Variants in STXBP5L observed in about 807,000 individuals in gnomAD.
The protein encoded by STXBP5L is syntaxin binding protein 5L, also known as syntaxin-binding protein 5-like.
STXBP5L carries 65 observed loss-of-function variants against 144.5 expected under a neutral mutation model. That is an observed-to-expected ratio of 0.45 (90% CI 0.37 to 0.55). The LOEUF is 0.55. Ranked by LOEUF, STXBP5L falls within the 20% of genes least tolerant of loss-of-function variation. STXBP5L has a pLI of 0.00. For synonymous variants in STXBP5L, 505 were observed against 469.6 expected, an observed-to-expected ratio of 1.08 and a Z score of -0.97; for missense variants, 1,298 against 1,405.5, an observed-to-expected ratio of 0.92 and a Z score of 1.22.
At chr3:121,198,535 G>A (rs1366811645) in intron 9 of STXBP5L, among the ~76,000 whole-genome samples, 1 of 152,134 alleles carries the variant, frequency 6.6e-6, no homozygotes, top group Non-Finnish European at 1.5e-5. Flanking sequence ...TGCTTTTGAT[G>A]TTTTAGTCAT....
chr3:121,368,046 ATTTAT>A (rs2045919239), intron 20 of STXBP5L, among the ~76,000 whole-genome samples: 2 of 151,688 alleles, frequency 1.3e-5, no homozygotes, highest in African/African-American at 4.8e-5. Context: ...TTCAGTCATT[ATTTAT>A]TCAAATATTT....
At chr3:121,155,101 A>G (rs538312198) in intron 8 of STXBP5L, among the ~76,000 whole-genome samples, 1 of 151,880 alleles carries the variant, frequency 6.6e-6, no homozygotes, top group Non-Finnish European at 1.5e-5. Context: ...ATCATTTTAA[A>G]ACAGATTATG....
At chr3:121,306,800 A>G (rs1223872886) in intron 19 of STXBP5L, among the ~76,000 whole-genome samples, 1 of 152,194 alleles carries the variant, frequency 6.6e-6, no homozygotes, top group Non-Finnish European at 1.5e-5. Context: ...AGCCTGAAAA[A>G]TGACCCCTTA....
chr3:121,405,312 T>C lies in STXBP5L; in HGVS notation c.2588-1931T>C, dbSNP rs1016235208. ...AGAATTCCTATCTTCTTTTCTGCTT[T>C]TTTTCCTTAGTACTCATTACTATCT... On this transcript the variant is annotated intron_variant, in intron 22 of 26. Coordinates refer to ENST00000471454, the MANE Select transcript of STXBP5L (RefSeq NM_001308330.2). Among the ~76,000 whole-genome samples, 94 of 152,132 alleles carry C rather than the reference T, an allele frequency of 6.2e-4. 1 individual carries two copies. The highest frequency in any genetic ancestry group is 3.3e-4 in the Admixed American group (5 of 15,242).
intron 3 of STXBP5L, among the ~76,000 whole-genome samples, chr3:120,978,207 C>A (rs1203678991): frequency 6.6e-6 from 1 of 152,222 alleles, no homozygotes; most frequent in African/African-American, 2.4e-5. Flanking sequence ...TCCGTCTTTT[C>A]ACCTAGTCCC....
At chr3:121,332,408 A>C (rs1486262087) in intron 20 of STXBP5L, among the ~76,000 whole-genome samples, 2 of 88,772 alleles carry the variant, frequency 2.3e-5, no homozygotes, top group Non-Finnish European at 4.2e-5. Flanking sequence ...AGATATTTTC[A>C]AAAAAAAAAA....
At chr3:121,055,560 G>A (rs771782971) in intron 5 of STXBP5L, among the ~76,000 whole-genome samples, 2 of 151,980 alleles carry the variant, frequency 1.3e-5, no homozygotes, top group East Asian at 3.9e-4. Context: ...TCCCAGGCTG[G>A]AGTGCAATGG....
intron 19 of STXBP5L, among the ~76,000 whole-genome samples, chr3:121,302,106 G>C (rs868764118): frequency 2.6e-5 from 4 of 152,196 alleles, no homozygotes; most frequent in African/African-American, 7.2e-5. Flanking sequence ...GATTGGAATA[G>C]TTTCAGAAGG....
rs1419669205 is a variant in STXBP5L at position 121,121,682 on chromosome 3, A to G, written c.647A>G (p.Asp216Gly). ...CCAGGTCCAGTTGTACATTTAAGCGATAGCCCAAGAGATGAAGGCAAAGTG... is the reference window on the plus strand; with the variant it reads ...CCAGGTCCAGTTGTACATTTAAGCGGTAGCCCAAGAGATGAAGGCAAAGTG... ...THPGPVVHLS[D>G]SPRDEGKLLI... Residue 216 changes from aspartate to glycine, a missense_variant, in exon 7 of 27, where the codon GAT becomes GGT. Coordinates refer to ENST00000471454, the MANE Select transcript of STXBP5L (RefSeq NM_001308330.2). 6.2e-7 allele frequency: 1 copy of G among 1,604,332 alleles called. No individual in the cohort carries two copies. The highest frequency in any genetic ancestry group is 1.7e-5 in the Admixed American group (1 of 59,768).
chr3:120,978,529 C>T (rs529735174), intron 3 of STXBP5L, among the ~76,000 whole-genome samples: 2 of 152,244 alleles, frequency 1.3e-5, no homozygotes, highest in African/African-American at 2.4e-5. Flanking sequence ...TCGTCTGAAG[C>T]CTTCTTCTCT....
intron 19 of STXBP5L, among the ~76,000 whole-genome samples, chr3:121,307,082 A>C (rs1559957836): frequency 6.6e-6 from 1 of 152,146 alleles, no homozygotes; most frequent in African/African-American, 2.4e-5. Context: ...CTGAGAAGCA[A>C]CCTCAAAGTC....
At chr3:121,213,800 C>G (rs1051860816) in intron 10 of STXBP5L, among the ~76,000 whole-genome samples, 3 of 152,160 alleles carry the variant, frequency 2.0e-5, no homozygotes, top group Admixed American at 6.5e-5. Context: ...ACCAACTCCT[C>G]TTTGTACCTC....
At chr3:121,013,034 T>C (rs935521143) in intron 3 of STXBP5L, among the ~76,000 whole-genome samples, 17 of 152,006 alleles carry the variant, frequency 1.1e-4, no homozygotes, top group Non-Finnish European at 2.2e-4. Flanking sequence ...TTATTCTTTT[T>C]TTTTATGGCT....
At chr3:121,401,864 T>G in intron 22 of STXBP5L, among the ~76,000 whole-genome samples, 1 of 127,610 alleles carries the variant, frequency 7.8e-6, no homozygotes, top group African/African-American at 3.1e-5. Flanking sequence ...CTGCACAATG[T>G]GCACATGTAC....
intron 5 of STXBP5L, among the ~76,000 whole-genome samples, chr3:121,084,670 T>C (rs1353449016): frequency 2.0e-5 from 3 of 152,188 alleles, no homozygotes; most frequent in African/African-American, 2.4e-5. Context: ...ATAAACATAT[T>C]CATACATGTA....
intron 3 of STXBP5L, among the ~76,000 whole-genome samples, chr3:121,019,333 T>G (rs9859511): frequency 0.099 from 15,112 of 152,124 alleles, 1,186 homozygotes; most frequent in Admixed American, 0.2. Flanking sequence ...GGAGCTGTAT[T>G]GGCCTGCACA....
intron 7 of STXBP5L, among the ~76,000 whole-genome samples, chr3:121,127,637 C>T (rs753124368): frequency 2.0e-5 from 3 of 151,530 alleles, no homozygotes; most frequent in Non-Finnish European, 4.4e-5. Context: ...AGAATGATTT[C>T]TTCTTGAAAT....
intron 3 of STXBP5L, among the ~76,000 whole-genome samples, chr3:121,033,615 C>T (rs755308109): frequency 1.6e-4 from 24 of 149,970 alleles, no homozygotes; most frequent in Non-Finnish European, 3.0e-4. Context: ...TAAATAAATT[C>T]GTGTGTTTTT....
chr3:121,325,972 A>G (rs2044131602), intron 20 of STXBP5L, among the ~76,000 whole-genome samples: 1 of 151,574 alleles, frequency 6.6e-6, no homozygotes, highest in Admixed American at 6.6e-5. Flanking sequence ...ATTTGGCCCA[A>G]ATTATTTGGC....
Sources: gnomAD v4.1 joint callset for allele counts (sites outside exome capture counted in the v4.1 genomes callset) on GRCh38, gnomAD v4.1.1 for gene constraint, MANE v1.5 for transcripts, NCBI Gene and HGNC (gene_info 2026-07-23, HGNC 2026-07-21) for gene names.